TENM3: variants seen among roughly 807,000 people sequenced by gnomAD.
The protein encoded by TENM3 is teneurin transmembrane protein 3.
A neutral mutation model predicts 255.1 loss-of-function variants in TENM3; 63 were observed. The observed-to-expected ratio is 0.25, with a 90% confidence interval of 0.20 to 0.30. The LOEUF (loss-of-function observed/expected upper bound fraction) is 0.30. Among genes scored for constraint, TENM3 ranks in the 10% least tolerant of loss-of-function variants. TENM3 has a pLI of 1.00. For missense variants in TENM3, 2,929 were observed against 3,461.1 expected (o/e 0.85, Z 3.86); for synonymous variants, 1,306 against 1,322.3 (o/e 0.99, Z 0.27).
the TENM3 span, among the ~76,000 whole-genome samples, chr4:181,542,353 C>T: frequency 6.6e-6 from 1 of 152,102 alleles, no homozygotes; most frequent in African/African-American, 2.4e-5. Flanking sequence ...TATGGGGCGT[C>T]TCCAGCCATG....
chr4:182,445,029 G>A (rs568420124), intron 3 of TENM3, among the ~76,000 whole-genome samples: 3 of 152,182 alleles, frequency 2.0e-5, no homozygotes, highest in Non-Finnish European at 4.4e-5. Context: ...GGCTGGTCTC[G>A]AACTCCTGAC....
chr4:181,538,340 T>C, the TENM3 span, among the ~76,000 whole-genome samples: 3 of 152,128 alleles, frequency 2.0e-5, no homozygotes, highest in East Asian at 1.9e-4. Flanking sequence ...TAATTAAACA[T>C]TCATCTAGTC....
At chr4:181,597,174 C>T in the TENM3 span, among the ~76,000 whole-genome samples, 2 of 152,132 alleles carry the variant, frequency 1.3e-5, no homozygotes, top group African/African-American at 4.8e-5. Context: ...TTAAATCCTC[C>T]TTGATCTTTC....
intron 12 of TENM3, among the ~76,000 whole-genome samples, chr4:182,697,139 C>T (rs1230181747): frequency 1.3e-5 from 2 of 152,134 alleles, no homozygotes; most frequent in African/African-American, 4.8e-5. Flanking sequence ...TGTTGCTGGT[C>T]GTTGGACTGA....
chr4:182,452,870 A>G (rs1773580410), intron 3 of TENM3, among the ~76,000 whole-genome samples: 2 of 152,168 alleles, frequency 1.3e-5, no homozygotes, highest in South Asian at 2.1e-4. Flanking sequence ...TCTGAGATGA[A>G]AAGTTATTCT....
At chr4:181,783,064 G>C in the TENM3 span, among the ~76,000 whole-genome samples, 53 of 152,314 alleles carry the variant, frequency 3.5e-4, no homozygotes, top group African/African-American at 1.3e-3. Flanking sequence ...TTTGGAATAA[G>C]TGCGATGTGG....
the TENM3 span, among the ~76,000 whole-genome samples, chr4:181,978,824 G>A: frequency 6.6e-6 from 1 of 151,084 alleles, no homozygotes; most frequent in Non-Finnish European, 1.5e-5. Context: ...TGAAATAAAG[G>A]GCCAGAAATA....
intron 3 of TENM3, among the ~76,000 whole-genome samples, chr4:182,543,764 T>A (rs147085797): frequency 1.9e-4 from 29 of 150,990 alleles, no homozygotes; most frequent in East Asian, 9.7e-4. Context: ...AAAAGTATAT[T>A]TTTTTTTTAG....
intron 3 of TENM3, among the ~76,000 whole-genome samples, chr4:182,566,019 G>A (rs1743760856): frequency 6.6e-6 from 1 of 152,118 alleles, no homozygotes; most frequent in Admixed American, 6.5e-5. Context: ...TTATTTGATT[G>A]TTTTGCTTCT....
chr4:181,636,600 A>T, the TENM3 span, among the ~76,000 whole-genome samples: 1 of 152,130 alleles, frequency 6.6e-6, no homozygotes, highest in African/African-American at 2.4e-5. Context: ...ATCCATCAGC[A>T]GTTACTCTTG....
chr4:182,497,815 A>G (rs1180809843), intron 3 of TENM3, among the ~76,000 whole-genome samples: 1 of 148,314 alleles, frequency 6.7e-6, no homozygotes. Context: ...GTATATATAT[A>G]TGTAGCATAT....
the TENM3 span, among the ~76,000 whole-genome samples, chr4:182,077,533 T>C: frequency 2.0e-5 from 3 of 152,076 alleles, no homozygotes; most frequent in African/African-American, 4.8e-5. Context: ...TTAAACAACA[T>C]TGCACAAAGA....
At chr4:182,585,395 G>T (rs1243810529) in intron 3 of TENM3, among the ~76,000 whole-genome samples, 1 of 152,102 alleles carries the variant, frequency 6.6e-6, no homozygotes, top group Non-Finnish European at 1.5e-5. Context: ...GTGACTATTG[G>T]AGCTAGGGCC....
intron 3 of TENM3, among the ~76,000 whole-genome samples, chr4:182,411,859 A>G (rs537830394): frequency 5.3e-4 from 80 of 152,336 alleles, no homozygotes; most frequent in African/African-American, 1.9e-3. Context: ...AGTCACATAG[A>G]TAAAATATAA....
the TENM3 span, among the ~76,000 whole-genome samples, chr4:181,886,197 C>T: frequency 6.6e-6 from 1 of 151,920 alleles, no homozygotes; most frequent in East Asian, 1.9e-4. Context: ...GGACTACAGG[C>T]GCGTGCCACC....
At chr4:182,547,099 A>G (rs375268715) in intron 3 of TENM3, among the ~76,000 whole-genome samples, 1 of 152,274 alleles carries the variant, frequency 6.6e-6, no homozygotes, top group East Asian at 1.9e-4. Context: ...CTTGACCTGT[A>G]GCTTCTTACA....
At chr4:182,055,210 G>A in the TENM3 span, among the ~76,000 whole-genome samples, 2 of 152,046 alleles carry the variant, frequency 1.3e-5, no homozygotes, top group African/African-American at 4.8e-5. Flanking sequence ...AGCCCAGCAT[G>A]GTGGTGCACA....
chr4:182,679,879 A>G lies in TENM3; in HGVS notation c.1537+3A>G. 5 of 1,601,652 alleles carry G rather than the reference A, an allele frequency of 3.1e-6. No individual in the cohort carries two copies. Among genetic ancestry groups the G allele is most frequent in the Non-Finnish European group, 4.3e-6 (5 of 1,172,966 alleles). ...GTCTTTTAATACCATTGTTATAGGT[A>G]AGAATAGTCTTCAAAGCAGCATTTT... On this transcript the variant is annotated splice_donor_region_variant and intron_variant, in intron 8 of 27. Coordinates refer to ENST00000511685, the MANE Select transcript of TENM3 (RefSeq NM_001080477.4).
intron 1 of TENM3, among the ~76,000 whole-genome samples, chr4:182,279,432 A>T (rs1457274554): frequency 6.6e-6 from 1 of 152,218 alleles, no homozygotes; most frequent in East Asian, 1.9e-4. Flanking sequence ...ACATACATGT[A>T]GATGACATTT....
Sources: gnomAD v4.1 joint callset for allele counts (sites outside exome capture counted in the v4.1 genomes callset) on GRCh38, gnomAD v4.1.1 for gene constraint, MANE v1.5 for transcripts, NCBI Gene and HGNC (gene_info 2026-07-23, HGNC 2026-07-21) for gene names.